Variants in RHBDD3 observed in about 807,000 individuals in gnomAD.
RHBDD3 encodes the protein rhomboid domain containing 3, also known as rhomboid domain-containing protein 3.
RHBDD3 carries 34 observed loss-of-function variants against 32.3 expected under a neutral mutation model. The ratio of observed to expected loss-of-function variants is 1.05; its 90% confidence interval spans 0.80 to 1.40. RHBDD3 has a LOEUF of 1.40. Among genes scored for constraint, RHBDD3 ranks in the 40% most tolerant of loss-of-function variants. The probability of loss-of-function intolerance (pLI) is 0.00; values close to 1 mark genes in which losing one functional copy is unlikely to be tolerated. For synonymous variants in RHBDD3, 249 were observed against 239.1 expected (o/e 1.04, Z -0.38); for missense variants, 482 against 492.6 (o/e 0.98, Z 0.20).
At chr22:29,264,332 C>G in intron 3 of RHBDD3, 114 bp from the exon 4 acceptor site, 1 of 1,431,730 alleles carries the variant, frequency 7.0e-7, no homozygotes, top group Non-Finnish European at 9.2e-7. Flanking sequence ...GAGCCCACCT[C>G]CCCTCCCCAG....
At chr22:29,268,064 C>T, upstream of RHBDD3, 1 of 576,060 alleles carries the variant, frequency 1.7e-6, no homozygotes, top group Non-Finnish European at 3.1e-6. Flanking sequence ...AGAGCCTCTC[C>T]GGTTTCACGC....
chr22:29,264,556 A>G, intron 3 of RHBDD3: 1 of 983,772 alleles, frequency 1.0e-6, no homozygotes, highest in African/African-American at 1.7e-5. Flanking sequence ...GGCTGAGAGC[A>G]TGAAATGGCC....
At chr22:29,263,285 C>A (rs561948725) in intron 4 of RHBDD3, among the ~76,000 whole-genome samples, 1 of 152,204 alleles carries the variant, frequency 6.6e-6, no homozygotes, top group South Asian at 2.1e-4. Context: ...CCTCGTGATC[C>A]GCCCACCTTG....
intron 4 of RHBDD3, 50 bp downstream of exon 4, chr22:29,263,785 C>G (rs1440019849): frequency 4.1e-6 from 6 of 1,464,986 alleles, no homozygotes; most frequent in Non-Finnish European, 5.4e-6. Context: ...CAGGCACCCA[C>G]CCACAGAACC....
In RHBDD3 at chr22:29,267,564, C is replaced by T. The variant is rs552528164; in HGVS notation, c.-181G>A. 1 of 152,998 alleles carries T rather than the reference C, an allele frequency of 6.5e-6. No individual in the cohort carries two copies. Among genetic ancestry groups the T allele is most frequent in the East Asian group, 1.9e-4 (1 of 5,180 alleles). 9.5% of individuals were successfully genotyped at this position (152,998 alleles called of 1,614,324 possible). On this transcript the variant is annotated 5_prime_UTR_variant, in exon 2 of 7. Transcript: ENST00000216085. ...GCAGAGATACTCAATTTCCTTGGGCCTCAGTTTCCCCTTCTGTAGAAACAA... is the reference window on the plus strand; with the variant it reads ...GCAGAGATACTCAATTTCCTTGGGCTTCAGTTTCCCCTTCTGTAGAAACAA...
chr22:29,263,326 A>T (rs780004465), intron 4 of RHBDD3, among the ~76,000 whole-genome samples: 2 of 152,132 alleles, frequency 1.3e-5, no homozygotes, highest in African/African-American at 4.8e-5. Context: ...TACAGGCATG[A>T]GCCATCGCGC....
At chr22:29,261,390 A>G in intron 4 of RHBDD3, 1 of 459,796 alleles carries the variant, frequency 2.2e-6, no homozygotes. Flanking sequence ...TGAGGCCAGG[A>G]GTTCAAGACC....
Position 29,263,877 on chromosome 22 carries a change from G to A in RHBDD3, c.490C>T (p.Pro164Ser), listed in dbSNP as rs1271819364. The change falls in exon 4 of 7, where the codon CCC becomes TCC. Residue 164 changes from proline (P) to serine (S), a missense_variant. Pro to Ser is a moderately conservative substitution (Grantham distance 74). Coordinates refer to ENST00000216085, the MANE Select transcript of RHBDD3 (RefSeq NM_012265.3). ...AGGCCGCAAAGGAGCTGCAGGAAGG[G>A]TGGCTCAGAGCTGAGCAGTGGGGTC... The part of the protein sequence containing the change: ...ALTPLLSSEP[P>S]FLQLLCGLLA... The A allele has an allele frequency of 6.5e-6, 10 of 1,545,354 alleles. No individual in the cohort carries two copies. Among genetic ancestry groups the A allele is most frequent in the Non-Finnish European group, 7.9e-6 (9 of 1,143,560 alleles).
In RHBDD3 at chr22:29,260,688, C is replaced by T. The variant is rs769874790; in HGVS notation, c.695+14G>A. On this transcript the variant is annotated intron_variant, in intron 5 of 6. Transcript: ENST00000216085. ...GCCCACCACCTGGACTGGCATCCCC[C>T]CCATCACCCTCACCTCACTCCGGCA... 3.4e-5 allele frequency: 53 copies of T among 1,557,860 alleles called. No homozygotes were observed. Among genetic ancestry groups the T allele is most frequent in the Non-Finnish European group, 4.5e-5 (52 of 1,151,268 alleles).
intron 2 of RHBDD3, among the ~76,000 whole-genome samples, chr22:29,267,008 G>A (rs977802592): frequency 6.6e-6 from 1 of 152,230 alleles, no homozygotes; most frequent in East Asian, 1.9e-4. Context: ...CCCTAGGCAG[G>A]TGGTCTGAGC....
Position 29,260,894 on chromosome 22 carries a change from A to G in RHBDD3, c.533-30T>C, listed in dbSNP as rs765501745. 5 of 1,518,946 alleles carry G rather than the reference A, an allele frequency of 3.3e-6. No individual in the cohort carries two copies. In the Admixed American group the frequency reaches 6.4e-5, roughly 20 times the overall value. The allele number at this position is 1,518,946 out of a possible 1,614,324, so 94.1% of individuals were successfully genotyped here. On this transcript the variant is annotated intron_variant, in intron 4 of 6. Coordinates refer to ENST00000216085, the MANE Select transcript of RHBDD3 (RefSeq NM_012265.3). ...CTGCCCGGGGCAGGGCGGCCGGTCA[A>G]GGAAAACCAAAAGCAGCCAGGGGTG... is the stretch of plus-strand genomic sequence containing the variant.
At chr22:29,265,868 T>G (rs2058170652) in intron 2 of RHBDD3, among the ~76,000 whole-genome samples, 200 bp from the exon 3 acceptor site, 1 of 152,214 alleles carries the variant, frequency 6.6e-6, no homozygotes, top group Non-Finnish European at 1.5e-5. Context: ...CACCTCTGTT[T>G]AAGGACTGGC....
At chr22:29,264,459 C>G in intron 3 of RHBDD3, 4 of 1,304,402 alleles carry the variant, frequency 3.1e-6, no homozygotes, top group Non-Finnish European at 3.9e-6. Flanking sequence ...GCCACTCAGT[C>G]TTTTCACTGA....
chr22:29,263,964 G>T lies in RHBDD3; in HGVS notation c.403C>A (p.Arg135Ser), dbSNP rs2231394. 6.4e-7 allele frequency: 1 copy of T among 1,550,804 alleles called. No homozygotes were observed. The change falls in exon 4 of 7, where the codon CGC becomes AGC. Residue 135 changes from arginine to serine, a missense_variant. Transcript: ENST00000216085. ...AGTGCCCCACGGGGCCGTCTAGGGC[G>T]GTGTCCCTCCCCAGCCAGCATGGCC... ...HLAMLAGEGH[R>S]PRRPRGALPP...
Position 29,267,978 on chromosome 22 carries a change from C to T in RHBDD3, c.-425G>A. 2.7e-6 allele frequency: 1 copy of T among 373,174 alleles called. No homozygotes were observed. The highest frequency in any genetic ancestry group is 5.0e-6 in the Non-Finnish European group (1 of 198,904). 23.1% of individuals were successfully genotyped at this position (373,174 alleles called of 1,614,324 possible). ...AGCCCTCCCGCCGATCTCCGTCTCC[C>T]TGCAGGGCCGACTCTTCAGCGACCG... On this transcript the variant is annotated 5_prime_UTR_variant, in exon 1 of 7. Transcript: ENST00000216085.
chr22:29,267,696 G>C (rs1249627104), intron 1 of RHBDD3, 52 bp downstream of exon 1: 3 of 161,488 alleles, frequency 1.9e-5, no homozygotes, highest in African/African-American at 7.2e-5. Context: ...CCAGCCGACC[G>C]GCCTTGGGGA....
intron 6 of RHBDD3, 21 bp downstream of exon 6, chr22:29,260,305 C>A: frequency 6.2e-7 from 1 of 1,605,956 alleles, no homozygotes; most frequent in Non-Finnish European, 8.5e-7. Context: ...GGGGACCCCA[C>A]CTCTGCCCAC....
Position 29,267,969 on chromosome 22 carries a change from T to C in RHBDD3, c.-416A>G. ...CCTTCCCCCAGCCCTCCCGCCGATC[T>C]CCGTCTCCCTGCAGGGCCGACTCTT... On this transcript the variant is annotated 5_prime_UTR_variant, in exon 1 of 7. Coordinates refer to ENST00000216085, the MANE Select transcript of RHBDD3 (RefSeq NM_012265.3). 1 of 332,406 alleles carries C rather than the reference T, an allele frequency of 3.0e-6. No individual in the cohort carries two copies. The highest frequency in any genetic ancestry group is 4.5e-5 in the East Asian group (1 of 22,058). 20.6% of individuals were successfully genotyped at this position (332,406 alleles called of 1,614,324 possible).
rs112988085 is a variant in RHBDD3 at position 29,264,301 on chromosome 22, G to C, written c.149-83C>G. On this transcript the variant is annotated intron_variant, in intron 3 of 6. Transcript: ENST00000216085. ...CCAGGTGTGCCAGGTTGAAGGTTAC[G>C]CTACACCAGGGCCACCTGCTGAGCC... The C allele has an allele frequency of 1.2e-4, 178 of 1,441,996 alleles. No individual in the cohort carries two copies. The African/African-American group carries it at 2.1e-3, about 17-fold the overall frequency. 89.3% of individuals were successfully genotyped at this position (1,441,996 alleles called of 1,614,324 possible).
Sources: allele counts gnomAD v4.1 joint callset (sites outside exome capture counted in the v4.1 genomes callset), GRCh38; gene constraint gnomAD v4.1.1; transcripts MANE v1.5; gene names NCBI Gene and HGNC (gene_info 2026-07-23, HGNC 2026-07-21).